The following FBXO11 variants were observed in gnomAD, a reference collection of about 807,000 sequenced individuals.
The protein encoded by FBXO11 is F-box protein 11, also known as F-box only protein 11.
FBXO11 carries 13 observed loss-of-function variants against 117.0 expected under a neutral mutation model. That is an observed-to-expected ratio of 0.11 (90% CI 0.07 to 0.18). FBXO11 has a LOEUF of 0.18. Ranked by LOEUF, FBXO11 falls within the 10% of genes least tolerant of loss-of-function variation. The probability of loss-of-function intolerance (pLI) is 1.00; values close to 1 mark genes in which losing one functional copy is unlikely to be tolerated. For synonymous variants in FBXO11, 490 were observed against 380.5 expected (o/e 1.29, Z -3.35); for missense variants, 767 against 1,164.4 (o/e 0.66, Z 4.97).
Position 47,828,860 on chromosome 2 carries a change from CTTA to C in FBXO11, c.1398+3486_1398+3488del, listed in dbSNP as rs199642653. Among the ~76,000 whole-genome samples, 26 of 152,260 alleles carry C rather than the reference CTTA, an allele frequency of 1.7e-4. No homozygotes were observed. In the East Asian group the frequency reaches 4.8e-3, roughly 28 times the overall value. ...TAACTAAAGGCTATAATAAGCTTAGCTTATTATTATCTTCTAACTAAAGTGATG... is the reference window on the plus strand; with the variant it reads ...TAACTAAAGGCTATAATAAGCTTAGCTTATTATCTTCTAACTAAAGTGATG... On this transcript the variant is annotated intron_variant, in intron 11 of 22. Transcript: ENST00000403359.
rs1572766642 is a variant in FBXO11 at position 47,814,103 on chromosome 2, T to C, written c.2007-236A>G. 7.4e-6 allele frequency: 3 copies of C among 408,078 alleles called. No homozygotes were observed. The East Asian group carries it at 1.3e-4, about 18-fold the overall frequency. 25.3% of individuals were successfully genotyped at this position (408,078 alleles called of 1,614,324 possible). ...AGAGTTTCCTAACATGTAAACTAAA[T>C]GGGGTTATATTAAGTGACATATATT... On this transcript the variant is annotated intron_variant, in intron 16 of 22. Transcript: ENST00000403359.
intron 1 of FBXO11, among the ~76,000 whole-genome samples, chr2:47,868,316 A>T (rs1184283169): frequency 6.6e-6 from 1 of 150,640 alleles, no homozygotes; most frequent in Non-Finnish European, 1.5e-5. Context: ...GGGAATCAAG[A>T]CTATGTGAAA....
At chr2:47,869,368 G>T (rs1675442469) in intron 1 of FBXO11, among the ~76,000 whole-genome samples, 1 of 152,218 alleles carries the variant, frequency 6.6e-6, no homozygotes, top group South Asian at 2.1e-4. Flanking sequence ...GCAAAGAAGG[G>T]TGTTATTGTG....
chr2:47,818,661 G>C lies in FBXO11; in HGVS notation c.2006+118C>G, dbSNP rs1410904729. ...TAAGTCAAGATTATTTTAAGAATGT[G>C]AATATATATACAATAGGGGGATAAA... On this transcript the variant is annotated intron_variant, in intron 16 of 22. Transcript: ENST00000403359. The C allele has an allele frequency of 1.3e-5, 9 of 675,422 alleles. No homozygotes were observed. In the East Asian group the frequency reaches 2.2e-4, roughly 16 times the overall value. The allele number at this position is 675,422 out of a possible 1,614,324, so 41.8% of individuals were successfully genotyped here. A position where few individuals can be genotyped will look rare whatever the true frequency, so the allele number is the denominator to read the frequency against.
intron 1 of FBXO11, among the ~76,000 whole-genome samples, chr2:47,849,336 ATTAT>A (rs1673667449): frequency 6.6e-6 from 1 of 152,226 alleles, no homozygotes; most frequent in Non-Finnish European, 1.5e-5. Flanking sequence ...ACATTTTAAA[ATTAT>A]TTATTTAGGA....
chr2:47,891,815 T>C (rs1217799063), intron 1 of FBXO11, among the ~76,000 whole-genome samples: 3 of 152,170 alleles, frequency 2.0e-5, no homozygotes, highest in Non-Finnish European at 4.4e-5. Context: ...GTCATCCTAA[T>C]AGGGATGAAA....
intron 1 of FBXO11, among the ~76,000 whole-genome samples, chr2:47,900,833 TATACACACAC>T (rs1678163513): frequency 1.7e-5 from 1 of 57,604 alleles, no homozygotes; most frequent in South Asian, 5.1e-4. Flanking sequence ...TATATACACG[TATACACACAC>T]GTGTATATAT....
intron 18 of FBXO11, 30 bp from the exon 19 acceptor site, chr2:47,810,456 C>A (rs753950145): frequency 4.2e-6 from 6 of 1,421,466 alleles, no homozygotes; most frequent in Non-Finnish European, 5.9e-6. Flanking sequence ...TAGATTAAGG[C>A]TAATGCATAT....
At chr2:47,832,519 G>A in intron 10 of FBXO11, 33 bp from the exon 11 acceptor site, 2 of 1,609,734 alleles carry the variant, frequency 1.2e-6, no homozygotes, top group East Asian at 2.2e-5. Context: ...AACATCAGTA[G>A]AGCTTTTAAA....
chr2:47,839,091 AG>A lies in FBXO11; in HGVS notation c.443-89del. On this transcript the variant is annotated intron_variant, in intron 3 of 22. Transcript: ENST00000403359. ...ACAGTTTTCATTTTATCTAATGAAT[AG>A]CTTTTTTTTTTTGGATAATGGTCAT... 11 of 1,358,842 alleles carry A rather than the reference AG, an allele frequency of 8.1e-6. No individual in the cohort carries two copies. In the African/African-American group the frequency reaches 1.5e-4, roughly 18 times the overall value. The allele number at this position is 1,358,842 out of a possible 1,614,324, so 84.2% of individuals were successfully genotyped here. A position where few individuals can be genotyped will look rare whatever the true frequency, so the allele number is the denominator to read the frequency against.
intron 20 of FBXO11, 95 bp downstream of exon 20, chr2:47,809,505 G>A (rs1657412691): frequency 3.3e-6 from 3 of 901,750 alleles, no homozygotes; most frequent in South Asian, 3.2e-5. Context: ...TTGCTAACTT[G>A]GAGAGTGACA....
intron 14 of FBXO11, among the ~76,000 whole-genome samples, chr2:47,819,396 A>G (rs968191828): frequency 2.0e-5 from 3 of 152,068 alleles, no homozygotes; most frequent in African/African-American, 7.2e-5. Flanking sequence ...TTGTATTTTT[A>G]GTAGAGATGG....
chr2:47,891,889 A>G (rs961925678), intron 1 of FBXO11, among the ~76,000 whole-genome samples: 37 of 152,226 alleles, frequency 2.4e-4, no homozygotes, highest in African/African-American at 7.7e-4. Context: ...GTCTTTTTCC[A>G]TATACTTGCT....
rs1052718011 is a variant in FBXO11 at position 47,906,359 on chromosome 2, TA to T, written c.-640del. On this transcript the variant is annotated 5_prime_UTR_variant, in exon 1 of 23. Coordinates refer to ENST00000403359, the MANE Select transcript of FBXO11 (RefSeq NM_001190274.2). ...GGGAAATGAGTGTGAAGGGAGGAGA[TA>T]GGGGGAAAAAGAGGCGTCGTCCTTC... 1.6e-4 allele frequency among the ~76,000 whole-genome samples: 25 copies of T among 151,928 alleles called. No homozygotes were observed. Among genetic ancestry groups the T allele is most frequent in the East Asian group, 3.9e-4 (2 of 5,132 alleles).
intron 1 of FBXO11, among the ~76,000 whole-genome samples, chr2:47,895,897 A>G (rs1320889590): frequency 1.3e-5 from 2 of 152,016 alleles, no homozygotes. Context: ...GGGTTTCACC[A>G]TGTTGGCCAG....
rs6748363 is a variant in FBXO11, at chr2:47,855,052, G to T, written c.233-15283C>A. Among the ~76,000 whole-genome samples the T allele has an allele frequency of 4.5e-3, 687 of 152,148 alleles. 5 individuals carry two copies. Among genetic ancestry groups the T allele is most frequent in the African/African-American group, 0.016 (660 of 41,522 alleles). Reference sequence around the variant, plus strand: ...TGGTAGTAAGAATAAGAACAAAATAGAACATGAAATCAGGAATCACTTTCT... The same window carrying T: ...TGGTAGTAAGAATAAGAACAAAATATAACATGAAATCAGGAATCACTTTCT... On this transcript the variant is annotated intron_variant, in intron 1 of 22. Transcript: ENST00000403359.
Position 47,901,096 on chromosome 2 carries a change from CAT to C in FBXO11, c.232+4391_232+4392del, listed in dbSNP as rs1416788279. 1.9e-3 allele frequency among the ~76,000 whole-genome samples: 194 copies of C among 101,038 alleles called. 4 individuals carry two copies. Among genetic ancestry groups the C allele is most frequent in the South Asian group, 5.2e-3 (16 of 3,076 alleles). The allele number at this position is 101,038 out of a possible 152,430, so 66.3% of individuals were successfully genotyped here. ...ATACACACGTGTGTACATATATATA[CAT>C]ATATATGTATATATGTACACACGTG... On this transcript the variant is annotated intron_variant, in intron 1 of 22. Transcript: ENST00000403359.
In FBXO11 at chr2:47,818,874, A is replaced by T. The variant is rs200604756; in HGVS notation, c.1921-10T>A. The T allele has an allele frequency of 0.017, 3,066 of 182,636 alleles. 3 individuals are homozygous for T. Among genetic ancestry groups the T allele is most frequent in the Non-Finnish European group, 0.026 (2,663 of 102,436 alleles). The allele number at this position is 182,636 out of a possible 1,614,324, so 11.3% of individuals were successfully genotyped here. A position where few individuals can be genotyped will look rare whatever the true frequency, so the allele number is the denominator to read the frequency against. ...AAAAATAAACACCAACCTAAAATTT[A>T]AAAAAAAAAAAAAAGCTTTTTCAAG... On this transcript the variant is annotated splice_polypyrimidine_tract_variant and intron_variant, in intron 15 of 22. Coordinates refer to ENST00000403359, the MANE Select transcript of FBXO11 (RefSeq NM_001190274.2).
Position 47,806,956 on chromosome 2 carries a change from AT to A in FBXO11, c.*1161del. 2 of 952,070 alleles carry A rather than the reference AT, an allele frequency of 2.1e-6. No homozygotes were observed. Among genetic ancestry groups the A allele is most frequent in the Non-Finnish European group, 1.7e-6 (1 of 605,984 alleles). The allele number at this position is 952,070 out of a possible 1,614,324, so 59.0% of individuals were successfully genotyped here. On this transcript the variant is annotated 3_prime_UTR_variant, in exon 23 of 23. Transcript: ENST00000403359. ...TAAACTTTATTTTTTAAAAATGACC[AT>A]TTTTCCATTTTCTTTCTAGGAAATT...
Sources: allele counts gnomAD v4.1 joint callset (sites outside exome capture counted in the v4.1 genomes callset), GRCh38; gene constraint gnomAD v4.1.1; transcripts MANE v1.5; gene names NCBI Gene and HGNC (gene_info 2026-07-23, HGNC 2026-07-21).